The following VWDE variants were observed in gnomAD, a reference collection of about 807,000 sequenced individuals.
The protein encoded by VWDE is von Willebrand factor D and EGF domains.
Under a neutral mutation model 178.4 loss-of-function variants are expected in VWDE, and 207 were observed. The observed-to-expected ratio is 1.16, with a 90% CI of 1.04 to 1.30. The LOEUF is 1.30. Ranked by LOEUF, VWDE falls within the 50% of genes most tolerant of loss-of-function variation. The pLI, the probability that VWDE is intolerant of heterozygous loss-of-function variation, is 0.00. For synonymous variants in VWDE, 738 were observed against 651.4 expected (o/e 1.13, Z -2.02); for missense variants, 2,287 against 1,901.3 (o/e 1.20, Z -3.77).
intron 26 of VWDE, 72 bp from the exon 27 acceptor site, chr7:12,336,308 T>C: frequency 7.8e-7 from 1 of 1,279,550 alleles, no homozygotes; most frequent in South Asian, 1.4e-5. Context: ...CCACAAAACT[T>C]TTCATTAGAG....
intron 19 of VWDE, among the ~76,000 whole-genome samples, chr7:12,344,996 T>G (rs1335935901): frequency 1.3e-5 from 2 of 152,042 alleles, no homozygotes; most frequent in African/African-American, 4.8e-5. Flanking sequence ...GCTGGGAAAT[T>G]CAGTGGGCAC....
Position 12,375,047 on chromosome 7 carries a change from T to A in VWDE, c.1205A>T (p.Asp402Val). ...TGGAATGTAGTTGTTCCACAGGAAA[T>A]CCTCATTAACTATTGGTTGCACTAC... ...NIVVQPIVNE[D>V]FLWNNYIPDS... The change falls in exon 8 of 29, where the codon GAT (aspartate) becomes GTT (valine). Residue 402 changes from aspartate to valine, a missense_variant. Physicochemically the swap from Asp to Val is radical, Grantham distance 152. Coordinates refer to ENST00000275358, the MANE Select transcript of VWDE (RefSeq NM_001135924.3). The A allele has an allele frequency of 6.4e-6, 10 of 1,551,266 alleles. No homozygotes were observed. The highest frequency in any genetic ancestry group is 8.7e-6 in the Non-Finnish European group (10 of 1,146,658).
chr7:12,399,622 C>T (rs1784807175), intron 1 of VWDE, among the ~76,000 whole-genome samples: 1 of 150,838 alleles, frequency 6.6e-6, no homozygotes, highest in South Asian at 2.1e-4. Context: ...ATAAATTTTC[C>T]CCAAGTGCAC....
chr7:12,385,096 A>G (rs1392725064), intron 3 of VWDE, among the ~76,000 whole-genome samples: 1 of 152,132 alleles, frequency 6.6e-6, no homozygotes, highest in Non-Finnish European at 1.5e-5. Context: ...TTTGATTACA[A>G]TTATGATCTT....
At chr7:12,339,027 C>T (rs1190948488) in intron 24 of VWDE, among the ~76,000 whole-genome samples, 2 of 152,082 alleles carry the variant, frequency 1.3e-5, no homozygotes, top group African/African-American at 4.8e-5. Context: ...ATAAGAATTA[C>T]ATGTCATAGC....
chr7:12,335,152 A>C (rs983131346), intron 27 of VWDE, among the ~76,000 whole-genome samples: 1 of 152,166 alleles, frequency 6.6e-6, no homozygotes, highest in Admixed American at 6.5e-5. Flanking sequence ...AAATCTGTGT[A>C]ATTTCAGTTT....
rs118050237 is a variant in VWDE at position 12,385,713 on chromosome 7, T to C, written c.476-2112A>G. ...TTGTTTGCTATCTATGCAGTCTAAT[T>C]TAAGTTCTAAACGGTATTCCAAGGC... On this transcript the variant is annotated intron_variant, in intron 3 of 28. Coordinates refer to ENST00000275358, the MANE Select transcript of VWDE (RefSeq NM_001135924.3). 6.0e-3 allele frequency among the ~76,000 whole-genome samples: 916 copies of C among 152,314 alleles called. 6 individuals carry two copies. Among genetic ancestry groups the C allele is most frequent in the Non-Finnish European group, 1.0e-2 (679 of 68,020 alleles).
chr7:12,363,785 C>A (rs913254455), intron 13 of VWDE, among the ~76,000 whole-genome samples: 12 of 151,928 alleles, frequency 7.9e-5, no homozygotes, highest in Non-Finnish European at 1.6e-4. Flanking sequence ...TTCATATACC[C>A]TCCAAATAAT....
chr7:12,337,882 C>T (rs979325743), intron 24 of VWDE, among the ~76,000 whole-genome samples: 8 of 151,838 alleles, frequency 5.3e-5, no homozygotes, highest in Admixed American at 1.3e-4. Context: ...TTCAGAGTAA[C>T]GTTAATATGT....
intron 1 of VWDE, among the ~76,000 whole-genome samples, chr7:12,402,810 T>C (rs960737419): frequency 6.6e-6 from 1 of 152,114 alleles, no homozygotes; most frequent in Admixed American, 6.6e-5. Context: ...ATCAGTAAAA[T>C]GAGTTAAGAT....
rs774941410 is a variant in VWDE, at chr7:12,377,953, T to C, written c.880-33A>G. 3.7e-6 allele frequency: 5 copies of C among 1,334,644 alleles called. 1 individual carries two copies. The South Asian group carries it at 6.6e-5, about 18-fold the overall frequency. 82.7% of individuals were successfully genotyped at this position (1,334,644 alleles called of 1,614,324 possible). Reference sequence around the variant, plus strand: ...AAGAAAATACGTAGAAAAATTATGTTAAAATATAATTTATTTCTAAGGCAC... The same window carrying C: ...AAGAAAATACGTAGAAAAATTATGTCAAAATATAATTTATTTCTAAGGCAC... On this transcript the variant is annotated intron_variant, in intron 6 of 28. Coordinates refer to ENST00000275358, the MANE Select transcript of VWDE (RefSeq NM_001135924.3).
At chr7:12,394,471 T>G (rs191215090) in intron 1 of VWDE, among the ~76,000 whole-genome samples, 99 of 152,278 alleles carry the variant, frequency 6.5e-4, no homozygotes, top group African/African-American at 2.2e-3. Flanking sequence ...ACCTTTTATC[T>G]GAGTAGTCTT....
chr7:12,358,380 T>TA (rs1554266224), intron 16 of VWDE, among the ~76,000 whole-genome samples: 1 of 149,804 alleles, frequency 6.7e-6, no homozygotes, highest in Non-Finnish European at 1.5e-5. Flanking sequence ...TCTCAAAAAA[T>TA]AAAAGGTGGG....
At chr7:12,386,556 CT>C (rs1487347986) in intron 3 of VWDE, among the ~76,000 whole-genome samples, 1 of 152,298 alleles carries the variant, frequency 6.6e-6, no homozygotes, top group East Asian at 1.9e-4. Flanking sequence ...TTCTGTCTGG[CT>C]TTCACTCTTG....
At chr7:12,342,238 C>A in intron 22 of VWDE, 84 bp from the exon 23 acceptor site, 1 of 913,264 alleles carries the variant, frequency 1.1e-6, no homozygotes, top group Non-Finnish European at 1.7e-6. Flanking sequence ...CTCATAACTG[C>A]TAATCACATC....
intron 2 of VWDE, among the ~76,000 whole-genome samples, chr7:12,391,657 T>C (rs1784396446): frequency 6.6e-6 from 1 of 152,076 alleles, no homozygotes; most frequent in Non-Finnish European, 1.5e-5. Context: ...AATGAGCAAA[T>C]AAACAAAAAA....
rs1782572800 is a variant in VWDE, at chr7:12,361,430, T to C, written c.2990A>G (p.Asp997Gly). ...ATCCATGGTATCAAACTGCTGAACA[T>C]CAGTGGGCAGCTGACAATCAACAGC... The part of the protein sequence containing the change: ...SRAVDCQLPT[D>G]VQQFDTMDLV... The change falls in exon 14 of 29, where the codon GAT (aspartate) becomes GGT (glycine). Residue 997 changes from aspartate (D) to glycine (G), a missense_variant. Transcript: ENST00000275358. 1.3e-6 allele frequency: 2 copies of C among 1,551,220 alleles called. No homozygotes were observed. Among genetic ancestry groups the C allele is most frequent in the African/African-American group, 1.4e-5 (1 of 73,130 alleles).
intron 10 of VWDE, 48 bp from the exon 11 acceptor site, chr7:12,370,912 T>C: frequency 7.4e-7 from 1 of 1,351,612 alleles, no homozygotes; most frequent in Non-Finnish European, 9.8e-7. Flanking sequence ...GAAGCAATAT[T>C]CAACCTGGAT....
At chr7:12,352,236 C>T (rs7804218) in intron 18 of VWDE, among the ~76,000 whole-genome samples, 18,417 of 152,134 alleles carry the variant, frequency 0.12, 1,222 homozygotes, top group East Asian at 0.19. Context: ...TTGAATTCAC[C>T]CACCCGATCA....
Sources: allele counts gnomAD v4.1 joint callset (sites outside exome capture counted in the v4.1 genomes callset), GRCh38; gene constraint gnomAD v4.1.1; transcripts MANE v1.5; gene names NCBI Gene and HGNC (gene_info 2026-07-23, HGNC 2026-07-21).